The following OTOP1 variants were observed in gnomAD, a reference collection of about 807,000 sequenced individuals.
OTOP1 encodes proton channel OTOP1.
A neutral mutation model predicts 52.9 loss-of-function variants in OTOP1; 59 were observed. That is an observed-to-expected ratio of 1.12 (90% CI 0.91 to 1.39). The LOEUF (loss-of-function observed/expected upper bound fraction) is 1.39, where lower values mean the gene tolerates loss of function less well. OTOP1 is among the 40% of genes most tolerant of loss of function. The probability of loss-of-function intolerance (pLI) is 0.00; values close to 1 mark genes in which losing one functional copy is unlikely to be tolerated. For missense variants in OTOP1, 761 were observed against 800.9 expected (o/e 0.95, Z 0.60); for synonymous variants, 317 against 337.7 (o/e 0.94, Z 0.67).
intron 1 of OTOP1, among the ~76,000 whole-genome samples, chr4:4,215,630 A>C (rs1320973464): frequency 6.6e-6 from 1 of 152,150 alleles, no homozygotes; most frequent in Non-Finnish European, 1.5e-5. Context: ...ATTGCACTCC[A>C]GCCAGGGCAA....
intron 1 of OTOP1, among the ~76,000 whole-genome samples, chr4:4,225,146 G>T (rs541146501): frequency 2.0e-5 from 3 of 152,224 alleles, no homozygotes; most frequent in Non-Finnish European, 4.4e-5. Flanking sequence ...TGTGTGATGT[G>T]CCTGGACCAC....
chr4:4,204,984 G>T (rs1332329433), intron 3 of OTOP1, among the ~76,000 whole-genome samples: 1 of 152,124 alleles, frequency 6.6e-6, no homozygotes, highest in Non-Finnish European at 1.5e-5. Context: ...ACATTGGCCA[G>T]GCTGGTCTCA....
intron 4 of OTOP1, among the ~76,000 whole-genome samples, chr4:4,199,238 G>GAC (rs1373111803): frequency 7.3e-5 from 6 of 82,540 alleles, no homozygotes; most frequent in African/African-American, 2.3e-4. Flanking sequence ...GTGTGTGAGA[G>GAC]AGAGAGAGAG....
chr4:4,204,039 C>A (rs917967159), intron 3 of OTOP1, among the ~76,000 whole-genome samples: 10 of 152,218 alleles, frequency 6.6e-5, no homozygotes. Context: ...AACCAGAGAA[C>A]CCTCGTCCAT....
chr4:4,206,189 A>G, intron 2 of OTOP1, 59 bp from the exon 3 acceptor site: 1 of 1,363,980 alleles, frequency 7.3e-7, no homozygotes, highest in South Asian at 1.2e-5. Context: ...TTACACTTGC[A>G]AACTTGAGAA....
chr4:4,211,394 T>A lies in OTOP1; in HGVS notation c.540+1474A>T, dbSNP rs547618085. Among the ~76,000 whole-genome samples the A allele has an allele frequency of 2.0e-5, 3 of 152,252 alleles. No homozygotes were observed. The South Asian group carries it at 6.2e-4, about 32-fold the overall frequency. Reference sequence around the variant, plus strand: ...TCAGGAAGAAAATAATCATTGTGTCTCCGCAGTGACTCTGAGCAAGTCACT... The same window carrying A: ...TCAGGAAGAAAATAATCATTGTGTCACCGCAGTGACTCTGAGCAAGTCACT... On this transcript the variant is annotated intron_variant, in intron 2 of 5. Coordinates refer to ENST00000296358, the MANE Select transcript of OTOP1 (RefSeq NM_177998.3).
chr4:4,221,295 C>T lies in OTOP1; in HGVS notation c.403+5167G>A, dbSNP rs143695283. Among the ~76,000 whole-genome samples the T allele has an allele frequency of 8.0e-3, 1,222 of 152,154 alleles. 24 individuals carry two copies. Among genetic ancestry groups the T allele is most frequent in the African/African-American group, 0.027 (1,141 of 41,510 alleles). ...AAAATGAGCCAGGCGTAGTAGCACA[C>T]ACCTGTAGTCCCAGCTATTCGGGTG... On this transcript the variant is annotated intron_variant, in intron 1 of 5. Coordinates refer to ENST00000296358, the MANE Select transcript of OTOP1 (RefSeq NM_177998.3).
In OTOP1 at chr4:4,216,571, C is replaced by T. The variant is rs531854194; in HGVS notation, c.404-3567G>A. ...AATGCAATCGCCTGGCGCTTTTCCA[C>T]TGCTCAAAGCCTTATAGAAACAACT... On this transcript the variant is annotated intron_variant, in intron 1 of 5. Transcript: ENST00000296358. Among the ~76,000 whole-genome samples, 154 of 152,332 alleles carry T rather than the reference C, an allele frequency of 1.0e-3. 3 individuals carry two copies. The South Asian group carries it at 0.031, about 31-fold the overall frequency.
chr4:4,206,238 G>A, intron 2 of OTOP1, 108 bp from the exon 3 acceptor site: 1 of 843,216 alleles, frequency 1.2e-6, no homozygotes. Context: ...AAAATGCTGG[G>A]ACATCAGTGA....
At chr4:4,220,415 T>C (rs1247717090) in intron 1 of OTOP1, among the ~76,000 whole-genome samples, 2 of 152,124 alleles carry the variant, frequency 1.3e-5, no homozygotes, top group Non-Finnish European at 2.9e-5. Flanking sequence ...CTGTGGAATA[T>C]TGACAAAAAA....
At chr4:4,209,282 T>G (rs1221622849) in intron 2 of OTOP1, among the ~76,000 whole-genome samples, 1 of 152,152 alleles carries the variant, frequency 6.6e-6, no homozygotes, top group Non-Finnish European at 1.5e-5. Context: ...AATTTTAAAA[T>G]AAATACTCTG....
chr4:4,191,840 C>A (rs1716516225), intron 5 of OTOP1, among the ~76,000 whole-genome samples: 1 of 152,108 alleles, frequency 6.6e-6, no homozygotes, highest in African/African-American at 2.4e-5. Context: ...ATTGCTGTAC[C>A]CTCAACATGC....
intron 2 of OTOP1, among the ~76,000 whole-genome samples, chr4:4,211,302 A>T (rs2108802444): frequency 6.6e-6 from 1 of 152,336 alleles, no homozygotes; most frequent in East Asian, 1.9e-4. Context: ...CTCAAACTGG[A>T]AATCCAAAAA....
chr4:4,189,215 A>G (rs2083724), intron 5 of OTOP1, among the ~76,000 whole-genome samples: 37,159 of 152,154 alleles, frequency 0.24, 5,775 homozygotes, highest in African/African-American at 0.41. Context: ...CTGAATGAGC[A>G]CTTTCTGAAC....
chr4:4,216,918 G>A (rs1560210455), intron 1 of OTOP1, among the ~76,000 whole-genome samples: 1 of 152,184 alleles, frequency 6.6e-6, no homozygotes, highest in Non-Finnish European at 1.5e-5. Flanking sequence ...TGCAGTGCTT[G>A]TTAAAACACA....
chr4:4,212,758 GCTGTGCACA>G, intron 2 of OTOP1, 101 bp downstream of exon 2: 1 of 1,251,946 alleles, frequency 8.0e-7, no homozygotes, highest in Middle Eastern at 2.0e-4. Flanking sequence ...GCAGTTCACA[GCTGTGCACA>G]CTGTCTCCAC....
chr4:4,192,462 G>A (rs1216657462), intron 5 of OTOP1, among the ~76,000 whole-genome samples: 1 of 152,236 alleles, frequency 6.6e-6, no homozygotes, highest in Non-Finnish European at 1.5e-5. Context: ...AGTCATGCAT[G>A]TTGCTTTTGT....
intron 5 of OTOP1, among the ~76,000 whole-genome samples, chr4:4,189,759 G>T (rs1192795302): frequency 6.6e-6 from 1 of 152,224 alleles, no homozygotes; most frequent in Non-Finnish European, 1.5e-5. Flanking sequence ...GCGGCAAGGG[G>T]CCCAGGGAGT....
chr4:4,194,549 A>C (rs548344397), intron 5 of OTOP1, among the ~76,000 whole-genome samples: 1 of 152,242 alleles, frequency 6.6e-6, no homozygotes, highest in East Asian at 1.9e-4. Context: ...TGCTTGGCAG[A>C]CACACAGCCA....
Sources: allele counts gnomAD v4.1 joint callset (sites outside exome capture counted in the v4.1 genomes callset), GRCh38; gene constraint gnomAD v4.1.1; transcripts MANE v1.5; gene names NCBI Gene and HGNC (gene_info 2026-07-23, HGNC 2026-07-21).